The following AK4 variants were observed in gnomAD, a reference collection of about 807,000 sequenced individuals.
The protein encoded by AK4 is adenylate kinase 4.
Under a neutral mutation model 24.6 loss-of-function variants are expected in AK4, and 13 were observed. The ratio of observed to expected loss-of-function variants is 0.53; its 90% CI spans 0.34 to 0.84. The LOEUF is 0.84. AK4 is among the 40% of genes least tolerant of loss of function. AK4 has a pLI of 0.01. For missense variants in AK4, 192 were observed against 288.2 expected, an observed-to-expected ratio of 0.67 and a Z score of 2.42; for synonymous variants, 88 against 107.0, an observed-to-expected ratio of 0.82 and a Z score of 1.10.
chr1:65,190,488 CAA>C (rs1211026034), intron 1 of AK4, among the ~76,000 whole-genome samples: 1 of 151,812 alleles, frequency 6.6e-6, no homozygotes, highest in Non-Finnish European at 1.5e-5. Context: ...TATGCTATCT[CAA>C]AGAGCTGCTT....
At chr1:65,161,368 T>C (rs1650153511) in intron 1 of AK4, among the ~76,000 whole-genome samples, 1 of 152,128 alleles carries the variant, frequency 6.6e-6, no homozygotes, top group African/African-American at 2.4e-5. Flanking sequence ...CAGTCTAGGG[T>C]TTGAGCTCTG....
chr1:65,165,680 C>T (rs1336745489), intron 1 of AK4, among the ~76,000 whole-genome samples: 1 of 152,034 alleles, frequency 6.6e-6, no homozygotes, highest in African/African-American at 2.4e-5. Context: ...GGCTGTTACT[C>T]GTAGCAGAGT....
rs1652331530 is a variant in AK4 at position 65,222,607 on chromosome 1, A to C, written c.439-2145A>C. 2.6e-5 allele frequency among the ~76,000 whole-genome samples: 4 copies of C among 152,318 alleles called. No homozygotes were observed. In the South Asian group the frequency reaches 8.3e-4, roughly 32 times the overall value. On this transcript the variant is annotated intron_variant, in intron 3 of 4. Transcript: ENST00000327299. ...TGACTTTCTGAGCCTTGTGGCTGTAAGTAAAATAAAGAAGGTGGCAATAGA... is the reference window on the plus strand; with the variant it reads ...TGACTTTCTGAGCCTTGTGGCTGTACGTAAAATAAAGAAGGTGGCAATAGA...
chr1:65,148,199 G>A (rs1041372210), upstream of AK4: 5 of 1,083,614 alleles, frequency 4.6e-6, no homozygotes, highest in South Asian at 5.4e-5. Flanking sequence ...GTAGCGTGGC[G>A]CTCAGTCCGC....
At chr1:65,210,499 A>G (rs999895671) in intron 2 of AK4, among the ~76,000 whole-genome samples, 2 of 152,164 alleles carry the variant, frequency 1.3e-5, no homozygotes, top group Non-Finnish European at 2.9e-5. Flanking sequence ...TGCTATTTGC[A>G]GAAGTCTCCA....
intron 1 of AK4, among the ~76,000 whole-genome samples, chr1:65,161,050 A>AGGATAGAGG (rs1650142656): frequency 6.6e-6 from 1 of 152,110 alleles, no homozygotes; most frequent in South Asian, 2.1e-4. Context: ...CTTTAAGGGT[A>AGGATAGAGG]GGATAGAGGG....
chr1:65,154,468 C>T (rs1649905368), intron 1 of AK4: 2 of 514,148 alleles, frequency 3.9e-6, no homozygotes, highest in Non-Finnish European at 7.7e-6. Flanking sequence ...TTGTTGCACT[C>T]CTGACAGCAA....
At chr1:65,200,761 C>G (rs1651638171) in intron 2 of AK4, among the ~76,000 whole-genome samples, 1 of 151,486 alleles carries the variant, frequency 6.6e-6, no homozygotes, top group Non-Finnish European at 1.5e-5. Flanking sequence ...GGGCCTGGCT[C>G]TCCTGATACT....
chr1:65,154,709 C>CACAA, intron 1 of AK4: 1 of 296,992 alleles, frequency 3.4e-6, no homozygotes, highest in Non-Finnish European at 7.0e-6. Flanking sequence ...CACGATAGTT[C>CACAA]TTTGTACATA....
intron 1 of AK4, among the ~76,000 whole-genome samples, chr1:65,177,843 A>AT (rs1650767535): frequency 6.6e-6 from 1 of 152,162 alleles, no homozygotes. Context: ...ATGTCCACTT[A>AT]TGTAGTCTAA....
intron 1 of AK4, among the ~76,000 whole-genome samples, chr1:65,187,335 G>C (rs988102220): frequency 8.0e-6 from 1 of 125,746 alleles, no homozygotes; most frequent in South Asian, 2.5e-4. Flanking sequence ...GTGACAGAGC[G>C]AGACTCCGTC....
At chr1:65,164,622 CT>C (rs1222141780) in intron 1 of AK4, among the ~76,000 whole-genome samples, 1 of 152,152 alleles carries the variant, frequency 6.6e-6, no homozygotes, top group Non-Finnish European at 1.5e-5. Context: ...CATTTGTCTT[CT>C]TGTTGAATTC....
chr1:65,220,288 T>C (rs1368311439), intron 3 of AK4, among the ~76,000 whole-genome samples: 2 of 152,230 alleles, frequency 1.3e-5, no homozygotes, highest in Admixed American at 6.5e-5. Context: ...ATATTTTAGC[T>C]TTGTGAGTAA....
intron 1 of AK4, among the ~76,000 whole-genome samples, chr1:65,162,242 C>A (rs1650191834): frequency 6.6e-6 from 1 of 152,020 alleles, no homozygotes; most frequent in African/African-American, 2.4e-5. Flanking sequence ...TGAGAAGTGT[C>A]TTAAACAAGA....
rs138474290 is a variant in AK4, at chr1:65,210,073, A to C, written c.266-8681A>C. 6.0e-3 allele frequency among the ~76,000 whole-genome samples: 920 copies of C among 152,338 alleles called. 8 individuals carry two copies. Among genetic ancestry groups the C allele is most frequent in the African/African-American group, 0.021 (861 of 41,566 alleles). ...AATCCTCTCAAAATGCTGGGACTGT[A>C]GGTGTTGACCATTCTTCTCGGCTGA... On this transcript the variant is annotated intron_variant, in intron 2 of 4. Transcript: ENST00000327299.
intron 2 of AK4, among the ~76,000 whole-genome samples, chr1:65,193,080 C>G (rs958741204): frequency 6.6e-6 from 1 of 152,246 alleles, no homozygotes; most frequent in Non-Finnish European, 1.5e-5. Flanking sequence ...CTGGGGCAGC[C>G]TTGACCCTAC....
At chr1:65,223,258 G>A (rs954852681) in intron 3 of AK4, among the ~76,000 whole-genome samples, 2 of 151,810 alleles carry the variant, frequency 1.3e-5, no homozygotes, top group African/African-American at 2.4e-5. Context: ...GCAGTGACAC[G>A]ATTTCACTGC....
intron 1 of AK4, among the ~76,000 whole-genome samples, chr1:65,153,752 T>A (rs1399495831): frequency 6.6e-6 from 1 of 152,138 alleles, no homozygotes; most frequent in African/African-American, 2.4e-5. Context: ...GGAAGGCCTC[T>A]CCAGGAGGTG....
intron 1 of AK4, among the ~76,000 whole-genome samples, chr1:65,166,602 A>C (rs1398460359): frequency 6.6e-6 from 1 of 152,142 alleles, no homozygotes; most frequent in Non-Finnish European, 1.5e-5. Flanking sequence ...GGCTCACCGC[A>C]GCTTCAACCT....
Sources: gnomAD v4.1 joint callset for allele counts (sites outside exome capture counted in the v4.1 genomes callset) on GRCh38, gnomAD v4.1.1 for gene constraint, MANE v1.5 for transcripts, NCBI Gene and HGNC (gene_info 2026-07-23, HGNC 2026-07-21) for gene names.